The following NR1H3 variants were observed in gnomAD, a reference collection of about 807,000 sequenced individuals.
NR1H3 encodes the protein oxysterols receptor LXR-alpha.
In NR1H3, 19 loss-of-function variants were observed where a neutral mutation model predicts 48.1. The ratio of observed to expected loss-of-function variants is 0.40; its 90% CI spans 0.28 to 0.58. NR1H3 has a LOEUF of 0.58. Ranked by LOEUF, NR1H3 falls within the 20% of genes least tolerant of loss-of-function variation. NR1H3 has a pLI of 0.50. For synonymous variants in NR1H3, 232 were observed against 227.3 expected, an observed-to-expected ratio of 1.02 and a Z score of -0.19; for missense variants, 486 against 595.9, an observed-to-expected ratio of 0.82 and a Z score of 1.92.
At chr11:47,263,606 CT>C (rs563452264) in intron 7 of NR1H3, among the ~76,000 whole-genome samples, 9,865 of 132,226 alleles carry the variant, frequency 0.075, 322 homozygotes, top group Non-Finnish European at 0.1. Flanking sequence ...TTTTTCTTTT[CT>C]TTTTTTTTTT....
At chr11:47,248,948 G>C (rs1954363551) in exon 1 of NR1H3, 1 of 1,531,992 alleles carries the variant, frequency 6.5e-7, no homozygotes, top group African/African-American at 1.4e-5. Context: ...AGTCTCGGTG[G>C]GATTGCGTGC....
At chr11:47,259,709 T>C in intron 2 of NR1H3, 82 bp from the exon 3 acceptor site, 1 of 1,596,432 alleles carries the variant, frequency 6.3e-7, no homozygotes, top group Non-Finnish European at 8.5e-7. Context: ...GGGGATAAGT[T>C]TGCAGTTTCC....
rs570758219 is a variant in NR1H3 at position 47,267,601 on chromosome 11, C to G, written c.989-312C>G. The stretch of plus-strand genomic sequence containing the variant: ...TTGGGTCACTGCAACCTCTGCCTCC[C>G]GTGTTCAAGCAATTCTCCTGCCTCA... On this transcript the variant is annotated intron_variant, in intron 7 of 9. Coordinates refer to ENST00000441012, the MANE Select transcript of NR1H3 (RefSeq NM_005693.4). Among the ~76,000 whole-genome samples, 6 of 152,142 alleles carry G rather than the reference C, an allele frequency of 3.9e-5. No individual in the cohort carries two copies. The East Asian group carries it at 1.2e-3, about 29-fold the overall frequency.
upstream of NR1H3, chr11:47,248,690 G>T (rs1441225671): frequency 6.2e-7 from 1 of 1,611,684 alleles, no homozygotes; most frequent in East Asian, 2.2e-5. Context: ...GTAACGAAGC[G>T]CAGACTCCGG....
In NR1H3 at chr11:47,261,469, A is replaced by G. The variant is rs762258144; in HGVS notation, c.708+20A>G. ...GTCACGGTACTTGACACACCTGGGG[A>G]GAGGCGGCTGCGCCCAGATCACCAG... On this transcript the variant is annotated intron_variant, in intron 5 of 9. Transcript: ENST00000441012. 6.2e-7 allele frequency: 1 copy of G among 1,612,144 alleles called. No individual in the cohort carries two copies. The highest frequency in any genetic ancestry group is 8.5e-7 in the Non-Finnish European group (1 of 1,178,434).
chr11:47,268,435 ATT>A, intron 9 of NR1H3, 80 bp downstream of exon 9: 1 of 1,591,570 alleles, frequency 6.3e-7, no homozygotes, highest in East Asian at 2.2e-5. Flanking sequence ...CCCTTCAAGA[ATT>A]TCTCTCTGAC....
chr11:47,264,448 G>A lies in NR1H3; in HGVS notation c.988+2430G>A, dbSNP rs906912398. On this transcript the variant is annotated intron_variant, in intron 7 of 9. Coordinates refer to ENST00000441012, the MANE Select transcript of NR1H3 (RefSeq NM_005693.4). ...GCACCTTTTGCCTTCTATAGTAACC[G>A]GTGTGCTGCCTGGATGTATTGACAC... 4.6e-5 allele frequency among the ~76,000 whole-genome samples: 7 copies of A among 152,290 alleles called. No individual in the cohort carries two copies. In the South Asian group the frequency reaches 1.2e-3, roughly 27 times the overall value.
chr11:47,268,337 CTCCA>C lies in NR1H3; in HGVS notation c.1184_1187del (p.Ile395ThrfsTer7), dbSNP rs1957309004. 6.2e-7 allele frequency: 1 copy of C among 1,614,000 alleles called. No homozygotes were observed. The highest frequency in any genetic ancestry group is 1.3e-5 in the African/African-American group (1 of 74,916). On this transcript the variant is annotated frameshift_variant, in exon 9 of 10. Transcript: ENST00000441012. LOFTEE classifies it high-confidence loss of function. The stretch of plus-strand genomic sequence containing the variant: ...ATGTGGAAGCCCTGCATGCCTACGT[CTCCA>C]TCCACCATCCCCATGTGAGTCTCCC...
intron 1 of NR1H3, among the ~76,000 whole-genome samples, chr11:47,251,780 A>C (rs997131753): frequency 6.6e-6 from 1 of 152,172 alleles, no homozygotes; most frequent in African/African-American, 2.4e-5. Context: ...AATTTCAGCT[A>C]TCTCTCAAAT....
In NR1H3 at chr11:47,259,845, A is replaced by G. The variant is rs1955642127; in HGVS notation, c.98A>G (p.Gln33Arg). 1 of 1,612,610 alleles carries G rather than the reference A, an allele frequency of 6.2e-7. No individual in the cohort carries two copies. Among genetic ancestry groups the G allele is most frequent in the Non-Finnish European group, 8.5e-7 (1 of 1,179,964 alleles). Residue 33 changes from glutamine (Q) to arginine (R), a missense_variant, in exon 3 of 10, where the codon CAG becomes CGG. Coordinates refer to ENST00000441012, the MANE Select transcript of NR1H3 (RefSeq NM_005693.4). ...GCACAGGATGCAAGCAGCCAGGCCC[A>G]GGGAGGCAGCAGCTGCATCCTCAGA... ...PGAQDASSQA[Q>R]GGSSCILREE...
chr11:47,259,018 C>A, intron 1 of NR1H3, 162 bp from the exon 2 acceptor site: 2 of 1,295,726 alleles, frequency 1.5e-6, no homozygotes, highest in Non-Finnish European at 2.0e-6. Flanking sequence ...CTCTAAAAAA[C>A]ATAATAGTAA....
At chr11:47,249,406 GTCCTT>G in intron 1 of NR1H3, among the ~76,000 whole-genome samples, 1 of 152,244 alleles carries the variant, frequency 6.6e-6, no homozygotes, top group Non-Finnish European at 1.5e-5. Flanking sequence ...TTCCCTTCCA[GTCCTT>G]TCCCTGTCCT....
chr11:47,255,609 CTCTCTCTCTTTCTT>C (rs1191345648), upstream of NR1H3, among the ~76,000 whole-genome samples: 361 of 124,850 alleles, frequency 2.9e-3, 3 homozygotes, highest in African/African-American at 0.011. Flanking sequence ...CTCTCTCTCT[CTCTCTCTCTTTCTT>C]TCTTTCTTTC....
upstream of NR1H3, among the ~76,000 whole-genome samples, chr11:47,254,645 G>A (rs1467768544): frequency 6.6e-6 from 1 of 152,092 alleles, no homozygotes; most frequent in African/African-American, 2.4e-5. Context: ...AGTCTGAGAT[G>A]GGGGTGTCAC....
Position 47,268,344 on chromosome 11 carries a change from C to T in NR1H3, c.1186C>T (p.His396Tyr). The T allele has an allele frequency of 6.2e-6, 10 of 1,614,058 alleles. No homozygotes were observed. Among genetic ancestry groups the T allele is most frequent in the Non-Finnish European group, 8.5e-6 (10 of 1,179,940 alleles). ...AGCCCTGCATGCCTACGTCTCCATC[C>T]ACCATCCCCATGTGAGTCTCCCCAT... ...VEALHAYVSI[H>Y]HPHDRLMFPR... Residue 396 changes from histidine to tyrosine, a missense_variant, in exon 9 of 10, where the codon CAC (histidine) becomes TAC (tyrosine). Transcript: ENST00000441012.
chr11:47,258,986 G>A, intron 1 of NR1H3, 194 bp from the exon 2 acceptor site: 1 of 1,037,736 alleles, frequency 9.6e-7, no homozygotes, highest in Non-Finnish European at 1.3e-6. Flanking sequence ...AGACTAGCCT[G>A]GGCAAAATAG....
At chr11:47,253,784 C>G (rs1954855917), upstream of NR1H3, among the ~76,000 whole-genome samples, 1 of 152,152 alleles carries the variant, frequency 6.6e-6, no homozygotes, top group Non-Finnish European at 1.5e-5. Context: ...AGTGTGTTCC[C>G]AGAGACATTG....
chr11:47,260,001 A>G, intron 3 of NR1H3, 22 bp downstream of exon 3: 2 of 1,489,842 alleles, frequency 1.3e-6, no homozygotes, highest in Non-Finnish European at 1.8e-6. Flanking sequence ...CTGGGTTTGG[A>G]GGAGGTAGGG....
upstream of NR1H3, among the ~76,000 whole-genome samples, chr11:47,254,826 T>C (rs189641323): frequency 1.4e-4 from 22 of 152,230 alleles, no homozygotes; most frequent in East Asian, 3.7e-3. Flanking sequence ...TTCATCTTTT[T>C]CTCATCTGGT....
Sources: allele counts gnomAD v4.1 joint callset (sites outside exome capture counted in the v4.1 genomes callset), GRCh38; gene constraint gnomAD v4.1.1; transcripts MANE v1.5; gene names NCBI Gene and HGNC (gene_info 2026-07-23, HGNC 2026-07-21).